The following ZNF804B variants were observed in gnomAD, a reference collection of about 807,000 sequenced individuals.
ZNF804B encodes zinc finger 804B.
Under a neutral mutation model 101.4 loss-of-function variants are expected in ZNF804B, and 80 were observed. The ratio of observed to expected loss-of-function variants is 0.79; its 90% confidence interval spans 0.66 to 0.95. ZNF804B has a LOEUF of 0.95. Ranked by LOEUF, ZNF804B falls within the 40% of genes least tolerant of loss-of-function variation. ZNF804B has a pLI of 0.00. For synonymous variants in ZNF804B, 622 were observed against 558.8 expected (o/e 1.11, Z -1.59); for missense variants, 1,673 against 1,561.9 (o/e 1.07, Z -1.20).
chr7:89,254,376 C>G (rs1228206799), intron 2 of ZNF804B, among the ~76,000 whole-genome samples: 1 of 151,116 alleles, frequency 6.6e-6, no homozygotes, highest in Non-Finnish European at 1.5e-5. Flanking sequence ...TATGAAATGC[C>G]TAATAATTAA....
chr7:89,096,132 G>A (rs528760278), intron 1 of ZNF804B, among the ~76,000 whole-genome samples: 1 of 148,240 alleles, frequency 6.7e-6, no homozygotes, highest in African/African-American at 2.5e-5. Flanking sequence ...TCCAGCCTGG[G>A]TGACAGAGCC....
chr7:88,961,492 G>A (rs1244355769), intron 1 of ZNF804B, among the ~76,000 whole-genome samples: 1 of 151,346 alleles, frequency 6.6e-6, no homozygotes, highest in East Asian at 2.0e-4. Flanking sequence ...TTTTCTGCAT[G>A]ACTATTTTTG....
intron 1 of ZNF804B, among the ~76,000 whole-genome samples, chr7:89,109,096 T>C (rs557230383): frequency 8.0e-6 from 1 of 125,012 alleles, no homozygotes; most frequent in African/African-American, 2.7e-5. Flanking sequence ...AGGAGAAAAA[T>C]TTTTTAAATC....
At chr7:89,126,252 G>A (rs925919071) in intron 1 of ZNF804B, among the ~76,000 whole-genome samples, 3 of 151,830 alleles carry the variant, frequency 2.0e-5, no homozygotes, top group South Asian at 2.1e-4. Flanking sequence ...GAACAGTGCT[G>A]TATACTGGGT....
At chr7:89,285,294 G>A (rs1441029643) in intron 2 of ZNF804B, among the ~76,000 whole-genome samples, 14 of 151,608 alleles carry the variant, frequency 9.2e-5, no homozygotes, top group East Asian at 3.9e-4. Context: ...AGCCCGAGGC[G>A]GGTGGATCAT....
chr7:89,045,221 G>A (rs544779462), intron 1 of ZNF804B, among the ~76,000 whole-genome samples: 2 of 152,338 alleles, frequency 1.3e-5, no homozygotes, highest in African/African-American at 4.8e-5. Context: ...TGATGTTTGG[G>A]AACCTCCACC....
chr7:89,263,590 CT>C (rs11333304), intron 2 of ZNF804B, among the ~76,000 whole-genome samples: 25,913 of 146,186 alleles, frequency 0.18, 2,815 homozygotes, highest in African/African-American at 0.31. Flanking sequence ...TGAATGTGAC[CT>C]TTTTTTTTTT....
chr7:89,328,158 T>C (rs1162942742), intron 3 of ZNF804B, among the ~76,000 whole-genome samples: 1 of 151,956 alleles, frequency 6.6e-6, no homozygotes, highest in Non-Finnish European at 1.5e-5. Context: ...ACCTAGTGAA[T>C]TGTGAAACTT....
At chr7:89,148,675 C>T (rs1169010627) in intron 1 of ZNF804B, among the ~76,000 whole-genome samples, 2 of 151,992 alleles carry the variant, frequency 1.3e-5, no homozygotes. Flanking sequence ...AAAACTTCTG[C>T]TATTGAAATG....
chr7:89,106,271 T>C (rs995246030), intron 1 of ZNF804B, among the ~76,000 whole-genome samples: 3 of 152,180 alleles, frequency 2.0e-5, no homozygotes, highest in African/African-American at 7.2e-5. Context: ...TTTTGTTTTC[T>C]CAGTCAACAT....
chr7:89,290,588 G>C (rs890131760), intron 2 of ZNF804B, among the ~76,000 whole-genome samples: 2 of 152,062 alleles, frequency 1.3e-5, no homozygotes, highest in African/African-American at 4.8e-5. Flanking sequence ...AGTACTCCCC[G>C]GGGGTCTGTA....
chr7:88,944,919 T>C (rs767489000), intron 1 of ZNF804B, among the ~76,000 whole-genome samples: 1 of 151,780 alleles, frequency 6.6e-6, no homozygotes, highest in East Asian at 1.9e-4. Flanking sequence ...AATGTATATA[T>C]AAAACATAAA....
chr7:89,192,072 G>A (rs1001127839), intron 1 of ZNF804B, among the ~76,000 whole-genome samples: 1 of 151,970 alleles, frequency 6.6e-6, no homozygotes, highest in Non-Finnish European at 1.5e-5. Context: ...TTCTTATTAG[G>A]AGGATGAAAA....
At chr7:88,962,503 C>T (rs556674134) in intron 1 of ZNF804B, among the ~76,000 whole-genome samples, 47 of 150,788 alleles carry the variant, frequency 3.1e-4, no homozygotes, top group Middle Eastern at 3.4e-3. Context: ...GAGTTCCTAA[C>T]GAGGTGGCTG....
intron 1 of ZNF804B, among the ~76,000 whole-genome samples, chr7:89,025,005 C>G (rs1414100091): frequency 5.9e-5 from 9 of 152,060 alleles, no homozygotes; most frequent in Non-Finnish European, 1.3e-4. Context: ...AGCCGTACAA[C>G]CCACATGACC....
intron 1 of ZNF804B, among the ~76,000 whole-genome samples, chr7:89,074,174 T>G (rs1231817750): frequency 6.6e-6 from 1 of 152,210 alleles, no homozygotes; most frequent in African/African-American, 2.4e-5. Flanking sequence ...ACATTCTAAT[T>G]GTTTTATGCC....
chr7:89,082,502 A>C (rs921311307), intron 1 of ZNF804B, among the ~76,000 whole-genome samples: 1 of 151,738 alleles, frequency 6.6e-6, no homozygotes, highest in Non-Finnish European at 1.5e-5. Context: ...AAATACTTTT[A>C]ATATAAATTA....
intron 1 of ZNF804B, among the ~76,000 whole-genome samples, chr7:88,854,451 CTTTCTTTCTTTCTTTCTTTCTTTCT>C: frequency 7.9e-6 from 1 of 127,106 alleles, no homozygotes; most frequent in South Asian, 2.6e-4. Flanking sequence ...TTCTTTCTTT[CTTTCTTTCTTTCTTTCTTTCTTTCT>C]CTTTCCTTTC....
Position 88,854,541 on chromosome 7 carries a change from T to TCCCTTC in ZNF804B, c.108+94459_108+94460insCTTCCC, listed in dbSNP as rs763702761. 2.5e-4 allele frequency among the ~76,000 whole-genome samples: 22 copies of TCCCTTC among 88,648 alleles called. No individual in the cohort carries two copies. In the South Asian group the frequency reaches 4.7e-3, roughly 19 times the overall value. 58.2% of individuals were successfully genotyped at this position (88,648 alleles called of 152,430 possible). A position where few individuals can be genotyped will look rare whatever the true frequency, so the allele number is the denominator to read the frequency against. ...CCTTTCCTTCCTTTCCTTCCTTCCT[T>TCCCTTC]CCTTCCTTCCTTCCTTCCTTCCTTC... On this transcript the variant is annotated intron_variant, in intron 1 of 3. Transcript: ENST00000333190.
Sources: gnomAD v4.1 joint callset for allele counts (sites outside exome capture counted in the v4.1 genomes callset) on GRCh38, gnomAD v4.1.1 for gene constraint, MANE v1.5 for transcripts, NCBI Gene and HGNC (gene_info 2026-07-23, HGNC 2026-07-21) for gene names.